The following PEX14 variants were observed in gnomAD, a reference collection of about 807,000 sequenced individuals.
PEX14 encodes peroxisomal biogenesis factor 14.
A neutral mutation model predicts 49.5 loss-of-function variants in PEX14; 15 were observed. The ratio of observed to expected loss-of-function variants is 0.30; its 90% CI spans 0.20 to 0.47. The LOEUF is 0.47. Ranked by LOEUF, PEX14 falls within the 20% of genes least tolerant of loss-of-function variation. The pLI, the probability that PEX14 is intolerant of heterozygous loss-of-function variation, is 1.00. For missense variants in PEX14, 398 were observed against 494.8 expected (o/e 0.80, Z 1.86); for synonymous variants, 210 against 212.7 (o/e 0.99, Z 0.11).
intron 1 of PEX14, among the ~76,000 whole-genome samples, chr1:10,486,787 A>C (rs1019638950): frequency 1.3e-5 from 2 of 150,730 alleles, no homozygotes; most frequent in African/African-American, 4.9e-5. Context: ...TCCTGGGTTC[A>C]AGCGATTCTC....
chr1:10,605,965 AGT>A (rs1641115210), intron 4 of PEX14, among the ~76,000 whole-genome samples: 2 of 152,182 alleles, frequency 1.3e-5, no homozygotes, highest in Non-Finnish European at 2.9e-5. Context: ...GAAGAGGGTA[AGT>A]ATCACGGGAA....
intron 2 of PEX14, among the ~76,000 whole-genome samples, chr1:10,502,479 C>T (rs760600456): frequency 5.3e-5 from 8 of 152,174 alleles, no homozygotes; most frequent in Non-Finnish European, 1.2e-4. Flanking sequence ...ACATTGTTTC[C>T]TCTTTCAGGT....
intron 3 of PEX14, among the ~76,000 whole-genome samples, chr1:10,555,662 T>TGTGC (rs1327787347): frequency 6.6e-6 from 1 of 151,818 alleles, no homozygotes; most frequent in Non-Finnish European, 1.5e-5. Context: ...TGTGTGTGTG[T>TGTGC]GTGTGCATGC....
chr1:10,551,052 C>T (rs1027227008), intron 3 of PEX14, among the ~76,000 whole-genome samples: 4 of 152,078 alleles, frequency 2.6e-5, no homozygotes, highest in East Asian at 1.9e-4. Flanking sequence ...TCTGTATGGA[C>T]GCTTTTATCA....
chr1:10,495,140 G>C lies in PEX14; in HGVS notation c.37-134G>C. 6.4e-7 allele frequency: 1 copy of C among 1,554,036 alleles called. No individual in the cohort carries two copies. The highest frequency in any genetic ancestry group is 8.7e-7 in the Non-Finnish European group (1 of 1,147,762). On this transcript the variant is annotated intron_variant, in intron 1 of 8. Transcript: ENST00000356607. This position sits in a 1 kb window ranked among gnomAD's most constrained non-coding sequence, Gnocchi z 4.2. ...AGGTAGTCCACTGCAAAATACTCTT[G>C]TGTCGTGAAAAACCAGTGAGAGATG...
intron 3 of PEX14, among the ~76,000 whole-genome samples, chr1:10,593,571 G>T (rs284272): frequency 0.2 from 30,985 of 152,030 alleles, 5,232 homozygotes; most frequent in African/African-American, 0.47. Context: ...GTAGTGACAT[G>T]TGGAACTAGT....
chr1:10,629,675 C>G lies in PEX14; in HGVS notation c.822C>G (p.Ser274=). Residue 274 remains serine (S), a synonymous_variant, in exon 9 of 9, where the codon TCC becomes TCG. Coordinates refer to ENST00000356607, the MANE Select transcript of PEX14 (RefSeq NM_004565.3). The surrounding 1 kb of genome is among the most constrained non-coding windows in gnomAD (Gnocchi z 8.5). ...ISPVSNESTS[S]SPGKEGHSPE... ...CTGTCAGCAACGAGTCCACGTCGTC[C>G]TCGCCTGGGAAGGAGGGCCACAGCC... The G allele has an allele frequency of 6.2e-7, 1 of 1,613,760 alleles. No homozygotes were observed. The highest frequency in any genetic ancestry group is 8.5e-7 in the Non-Finnish European group (1 of 1,179,872).
At chr1:10,570,888 C>G (rs1287402121) in intron 3 of PEX14, among the ~76,000 whole-genome samples, 3 of 119,778 alleles carry the variant, frequency 2.5e-5, no homozygotes, top group Non-Finnish European at 5.0e-5. Flanking sequence ...TACTCTGTTG[C>G]CCAGGCTGGA....
chr1:10,491,696 T>C (rs927795162), intron 1 of PEX14, among the ~76,000 whole-genome samples: 57 of 144,738 alleles, frequency 3.9e-4, no homozygotes, highest in African/African-American at 1.4e-3. Context: ...TTTTTTTTTT[T>C]TGGAGACAGA....
chr1:10,618,252 A>G, intron 4 of PEX14, 80 bp from the exon 5 acceptor site: 1 of 1,055,060 alleles, frequency 9.5e-7, no homozygotes, highest in Admixed American at 1.7e-5. Flanking sequence ...AGACTGTGCC[A>G]CTGAGGCACC....
intron 3 of PEX14, among the ~76,000 whole-genome samples, chr1:10,581,596 G>A (rs755337957): frequency 6.6e-6 from 1 of 151,778 alleles, no homozygotes; most frequent in Non-Finnish European, 1.5e-5. Context: ...GAGCCACCGT[G>A]CCTGGCTAAT....
At chr1:10,522,972 A>G (rs1638348984) in intron 2 of PEX14, among the ~76,000 whole-genome samples, 1 of 152,240 alleles carries the variant, frequency 6.6e-6, no homozygotes, top group Non-Finnish European at 1.5e-5. Flanking sequence ...TTATAAGCAT[A>G]GCTGTGTTTT....
chr1:10,586,604 T>C (rs1469740425), intron 3 of PEX14, among the ~76,000 whole-genome samples: 8 of 150,808 alleles, frequency 5.3e-5, no homozygotes, highest in African/African-American at 1.7e-4. Context: ...GCAAGCATAA[T>C]GTTGAACAAA....
chr1:10,500,346 CCTGG>C (rs1384231805), intron 2 of PEX14, among the ~76,000 whole-genome samples: 1 of 129,448 alleles, frequency 7.7e-6, no homozygotes, highest in Non-Finnish European at 1.6e-5. Context: ...TGCCCTGCAG[CCTGG>C]GCGACAGAGC....
intron 3 of PEX14, among the ~76,000 whole-genome samples, chr1:10,580,781 T>C (rs1348680128): frequency 3.3e-5 from 5 of 151,608 alleles, no homozygotes; most frequent in Admixed American, 1.3e-4. Flanking sequence ...TCCTAGCTGT[T>C]CTTTTTTTTT....
chr1:10,614,000 G>A lies in PEX14; in HGVS notation c.299-4332G>A, dbSNP rs960973175. 6.6e-6 allele frequency among the ~76,000 whole-genome samples: 1 copy of A among 152,256 alleles called. No individual in the cohort carries two copies. Among genetic ancestry groups the A allele is most frequent in the Non-Finnish European group, 1.5e-5 (1 of 68,046 alleles). On this transcript the variant is annotated intron_variant, in intron 4 of 8. Coordinates refer to ENST00000356607, the MANE Select transcript of PEX14 (RefSeq NM_004565.3). The surrounding 1 kb of genome is among the most constrained non-coding windows in gnomAD (Gnocchi z 5.0). ...ATTCAGGGAGCCTGGTGGCGGGGAG[G>A]TGTGTTCCCAGGCGCCCTGCTCTCA...
At chr1:10,610,261 T>C (rs1641241088) in intron 4 of PEX14, among the ~76,000 whole-genome samples, 1 of 148,376 alleles carries the variant, frequency 6.7e-6, no homozygotes, top group Admixed American at 6.8e-5. Flanking sequence ...GGAAGTTTTA[T>C]AGTGTTAGTT....
At chr1:10,560,801 T>C (rs1484522847) in intron 3 of PEX14, among the ~76,000 whole-genome samples, 1 of 145,252 alleles carries the variant, frequency 6.9e-6, no homozygotes, top group Non-Finnish European at 1.5e-5. Flanking sequence ...CACTGCAACC[T>C]CTGCCTCCCA....
At chr1:10,523,966 A>G (rs538344722) in intron 2 of PEX14, among the ~76,000 whole-genome samples, 2 of 152,208 alleles carry the variant, frequency 1.3e-5, no homozygotes, top group South Asian at 4.2e-4. Context: ...TTATTACTTT[A>G]ACTGTTTAAA....
Sources: gnomAD v4.1 joint callset for allele counts (sites outside exome capture counted in the v4.1 genomes callset) on GRCh38, gnomAD v4.1.1 for gene constraint, Gnocchi (gnomAD v3.1) non-coding constraint, MANE v1.5 for transcripts, NCBI Gene and HGNC (gene_info 2026-07-23, HGNC 2026-07-21) for gene names.